Variants in BMPER observed in about 807,000 individuals in gnomAD.
The protein encoded by BMPER is BMP binding endothelial regulator, also known as BMP-binding endothelial regulator protein.
BMPER carries 45 observed loss-of-function variants against 87.3 expected under a neutral mutation model. The ratio of observed to expected loss-of-function variants is 0.52; its 90% CI spans 0.41 to 0.66. The LOEUF (loss-of-function observed/expected upper bound fraction) is 0.66. Ranked by LOEUF, BMPER falls within the 30% of genes least tolerant of loss-of-function variation. The probability of loss-of-function intolerance (pLI) is 0.00; values close to 1 mark genes in which losing one functional copy is unlikely to be tolerated. For synonymous variants in BMPER, 326 were observed against 316.2 expected (o/e 1.03, Z -0.33); for missense variants, 784 against 867.5 (o/e 0.90, Z 1.21).
intron 12 of BMPER, among the ~76,000 whole-genome samples, chr7:34,081,567 A>G (rs1209670952): frequency 6.6e-6 from 1 of 152,246 alleles, no homozygotes; most frequent in Non-Finnish European, 1.5e-5. Flanking sequence ...TAGTAGCTCG[A>G]GAGAGCATTG....
intron 2 of BMPER, among the ~76,000 whole-genome samples, chr7:33,922,308 A>G (rs1784252121): frequency 1.3e-5 from 2 of 152,128 alleles, no homozygotes; most frequent in Non-Finnish European, 2.9e-5. Flanking sequence ...CAGAAATTCC[A>G]TGATGTCACC....
intron 11 of BMPER, 68 bp downstream of exon 11, chr7:34,062,115 T>G: frequency 7.2e-7 from 1 of 1,387,958 alleles, no homozygotes; most frequent in Non-Finnish European, 1.0e-6. Flanking sequence ...ACAAGAAAAA[T>G]AGGGGTGTAT....
At chr7:33,941,853 C>CT (rs1179169494) in intron 3 of BMPER, among the ~76,000 whole-genome samples, 3 of 152,184 alleles carry the variant, frequency 2.0e-5, no homozygotes, top group African/African-American at 7.2e-5. Flanking sequence ...GGACCCTTGA[C>CT]TTAACACATT....
chr7:33,914,129 A>AT (rs11357112), intron 2 of BMPER, among the ~76,000 whole-genome samples: 4 of 150,376 alleles, frequency 2.7e-5, no homozygotes, highest in East Asian at 1.9e-4. Context: ...TGCCCGGCTA[A>AT]TTTTTTTTTG....
intron 3 of BMPER, among the ~76,000 whole-genome samples, chr7:33,960,098 G>A (rs1785232678): frequency 6.6e-6 from 1 of 152,120 alleles, no homozygotes; most frequent in Non-Finnish European, 1.5e-5. Context: ...AGCTAAAAAA[G>A]CAATGAAAAA....
intron 13 of BMPER, among the ~76,000 whole-genome samples, chr7:34,102,621 G>A (rs774687356): frequency 5.3e-5 from 8 of 152,110 alleles, no homozygotes; most frequent in Non-Finnish European, 1.2e-4. Flanking sequence ...ACTTGAAGAG[G>A]GGAGAATGGA....
intron 9 of BMPER, among the ~76,000 whole-genome samples, chr7:34,056,263 A>G (rs1349512577): frequency 6.6e-6 from 1 of 152,176 alleles, no homozygotes; most frequent in South Asian, 2.1e-4. Context: ...GAGGGAGAGT[A>G]TTAGAAAGGA....
chr7:34,097,799 CTTTT>C (rs1169560306), intron 13 of BMPER, among the ~76,000 whole-genome samples: 2 of 152,016 alleles, frequency 1.3e-5, no homozygotes, highest in Non-Finnish European at 2.9e-5. Context: ...CACTCAAAGA[CTTTT>C]TTTGAGTCTT....
At chr7:34,049,453 C>T (rs1299391828) in intron 7 of BMPER, among the ~76,000 whole-genome samples, 2 of 152,130 alleles carry the variant, frequency 1.3e-5, no homozygotes, top group Non-Finnish European at 2.9e-5. Context: ...TAGACCCATC[C>T]AGCCATTCCT....
At chr7:34,025,307 G>A (rs1461183079) in intron 6 of BMPER, among the ~76,000 whole-genome samples, 2 of 151,986 alleles carry the variant, frequency 1.3e-5, no homozygotes, top group African/African-American at 4.8e-5. Flanking sequence ...AGAGGCTGTG[G>A]GGAAGGAAGT....
intron 2 of BMPER, among the ~76,000 whole-genome samples, chr7:33,908,343 A>G (rs1388027262): frequency 6.6e-6 from 1 of 152,190 alleles, no homozygotes; most frequent in Non-Finnish European, 1.5e-5. Flanking sequence ...ATATAAATAT[A>G]TTGTTTTCAC....
intron 13 of BMPER, among the ~76,000 whole-genome samples, chr7:34,120,134 G>C (rs1270300419): frequency 6.6e-6 from 1 of 152,086 alleles, no homozygotes; most frequent in African/African-American, 2.4e-5. Context: ...CTCAGAAATG[G>C]ATACCTCAAG....
chr7:33,929,389 C>T (rs1438060082), intron 2 of BMPER, among the ~76,000 whole-genome samples: 1 of 152,124 alleles, frequency 6.6e-6, no homozygotes, highest in African/African-American at 2.4e-5. Context: ...TTTGGTCAGC[C>T]TTGCAAATGA....
At chr7:33,912,695 C>A (rs1783992914) in intron 2 of BMPER, among the ~76,000 whole-genome samples, 1 of 152,064 alleles carries the variant, frequency 6.6e-6, no homozygotes, top group Non-Finnish European at 1.5e-5. Context: ...TATATTGAGT[C>A]CTTTGTGCTA....
chr7:34,025,355 C>T (rs1787329112), intron 6 of BMPER, among the ~76,000 whole-genome samples: 1 of 152,112 alleles, frequency 6.6e-6, no homozygotes. Flanking sequence ...CAATCAAGCA[C>T]AGGGTCAGGC....
intron 6 of BMPER, among the ~76,000 whole-genome samples, chr7:34,038,509 C>G (rs1787744884): frequency 6.6e-6 from 1 of 152,146 alleles, no homozygotes; most frequent in African/African-American, 2.4e-5. Context: ...TTTTAAGACA[C>G]TCCATTTGTA....
intron 6 of BMPER, among the ~76,000 whole-genome samples, chr7:34,022,987 A>G (rs1370858723): frequency 6.6e-6 from 1 of 152,040 alleles, no homozygotes; most frequent in East Asian, 1.9e-4. Flanking sequence ...ATGAGCAGTA[A>G]AATTAATGAA....
chr7:33,978,757 G>T (rs989911043), intron 6 of BMPER, among the ~76,000 whole-genome samples: 2 of 152,240 alleles, frequency 1.3e-5, no homozygotes, highest in South Asian at 2.1e-4. Flanking sequence ...ACTGAACACC[G>T]TAGCTTAGCC....
intron 6 of BMPER, among the ~76,000 whole-genome samples, chr7:33,991,332 G>A (rs1171337787): frequency 3.3e-5 from 5 of 151,906 alleles, no homozygotes; most frequent in African/African-American, 1.2e-4. Flanking sequence ...ACTTCTTCCT[G>A]GTTTAGTCTT....
Sources: gnomAD v4.1 joint callset for allele counts (sites outside exome capture counted in the v4.1 genomes callset) on GRCh38, gnomAD v4.1.1 for gene constraint, MANE v1.5 for transcripts, NCBI Gene and HGNC (gene_info 2026-07-23, HGNC 2026-07-21) for gene names.